The following SHISA9 variants were observed in gnomAD, a reference collection of about 807,000 sequenced individuals.
SHISA9 encodes the protein shisa family member 9.
In SHISA9, 13 loss-of-function variants were observed where a neutral mutation model predicts 38.0. That is an observed-to-expected ratio of 0.34 (90% confidence interval 0.22 to 0.54). The LOEUF (loss-of-function observed/expected upper bound fraction) is 0.54, where lower values mean the gene tolerates loss of function less well. Ranked by LOEUF, SHISA9 falls within the 20% of genes least tolerant of loss-of-function variation. The pLI is 0.91. For missense variants in SHISA9, 538 were observed against 575.8 expected (o/e 0.93, Z 0.67); for synonymous variants, 275 against 242.0 (o/e 1.14, Z -1.27).
At chr16:13,273,950 C>T in the SHISA9 span, among the ~76,000 whole-genome samples, 1 of 152,080 alleles carries the variant, frequency 6.6e-6, no homozygotes, top group African/African-American at 2.4e-5. Context: ...ACTGAAAATA[C>T]CACTGTTGAA....
At chr16:13,481,213 G>A in the SHISA9 span, among the ~76,000 whole-genome samples, 1 of 152,160 alleles carries the variant, frequency 6.6e-6, no homozygotes, top group African/African-American at 2.4e-5. Flanking sequence ...TGGCCAGGCA[G>A]TATTCTCTGT....
chr16:13,449,931 A>G, the SHISA9 span, among the ~76,000 whole-genome samples: 27 of 152,266 alleles, frequency 1.8e-4, no homozygotes, highest in Admixed American at 5.9e-4. Context: ...CCTGGCTAAC[A>G]TGGTGAAACC....
the SHISA9 span, among the ~76,000 whole-genome samples, chr16:13,326,782 T>G: frequency 1.3e-3 from 193 of 152,286 alleles, no homozygotes; most frequent in African/African-American, 4.0e-3. Context: ...TGTTATTATA[T>G]CATGTGCCTG....
At chr16:13,460,707 C>G in the SHISA9 span, among the ~76,000 whole-genome samples, 6 of 152,212 alleles carry the variant, frequency 3.9e-5, no homozygotes, top group Non-Finnish European at 8.8e-5. Context: ...GGGTCTAACT[C>G]TAAAGCAGCC....
chr16:13,545,531 C>G, the SHISA9 span, among the ~76,000 whole-genome samples: 9 of 152,172 alleles, frequency 5.9e-5, no homozygotes, highest in Non-Finnish European at 1.5e-5. Flanking sequence ...CCCCTCCACC[C>G]CTGAGCATGG....
the SHISA9 span, among the ~76,000 whole-genome samples, chr16:13,545,087 T>C: frequency 6.6e-5 from 10 of 152,342 alleles, no homozygotes; most frequent in Admixed American, 2.6e-4. Flanking sequence ...TCTTATGCCA[T>C]GTGCCTTGCA....
At chr16:13,492,174 T>C in the SHISA9 span, among the ~76,000 whole-genome samples, 1 of 152,052 alleles carries the variant, frequency 6.6e-6, no homozygotes, top group Admixed American at 6.6e-5. Flanking sequence ...CCTAGTCAAT[T>C]TCCTCACAAG....
intron 2 of SHISA9, among the ~76,000 whole-genome samples, chr16:13,097,335 A>G (rs1444381601): frequency 6.6e-6 from 1 of 152,102 alleles, no homozygotes; most frequent in Non-Finnish European, 1.5e-5. Context: ...CTCTCAGGTC[A>G]TCTACCCAAG....
At chr16:13,228,064 A>G (rs1267423337) in intron 4 of SHISA9, among the ~76,000 whole-genome samples, 1 of 152,248 alleles carries the variant, frequency 6.6e-6, no homozygotes, top group Non-Finnish European at 1.5e-5. Flanking sequence ...TTCATTGCTC[A>G]CATTAAATCC....
the SHISA9 span, among the ~76,000 whole-genome samples, chr16:13,463,059 G>A: frequency 6.6e-6 from 1 of 152,276 alleles, no homozygotes; most frequent in East Asian, 1.9e-4. Context: ...GGGAGGCTGA[G>A]GTGGGAGGAT....
the SHISA9 span, among the ~76,000 whole-genome samples, chr16:13,299,664 G>C: frequency 3.4e-5 from 5 of 149,228 alleles, no homozygotes; most frequent in African/African-American, 1.2e-4. Flanking sequence ...AGTGAGCAGA[G>C]ATTGCACCCC....
At chr16:12,908,176 CT>C (rs1426597886) in intron 1 of SHISA9, among the ~76,000 whole-genome samples, 1 of 151,926 alleles carries the variant, frequency 6.6e-6, no homozygotes, top group Non-Finnish European at 1.5e-5. Flanking sequence ...CATTTTTTAC[CT>C]CTTGTCTACT....
At chr16:13,433,534 G>GAGTA in the SHISA9 span, among the ~76,000 whole-genome samples, 4 of 151,678 alleles carry the variant, frequency 2.6e-5, no homozygotes, top group South Asian at 2.1e-4. Flanking sequence ...AGGTCAGAGA[G>GAGTA]ATTAATGTGT....
At chr16:13,406,204 C>G in the SHISA9 span, among the ~76,000 whole-genome samples, 10 of 152,134 alleles carry the variant, frequency 6.6e-5, no homozygotes, top group Non-Finnish European at 1.3e-4. Context: ...TAAGAAGAGG[C>G]AGAGAGTAGG....
rs546644322 is a variant in SHISA9, at chr16:12,950,717, T to G, written c.691+33902T>G. On this transcript the variant is annotated intron_variant, in intron 2 of 4. Transcript: ENST00000558583. Reference sequence around the variant, plus strand: ...TCCACCTCCCGGGTTCAAGCTATTCTCCTGCCTCAGCCTCCTGAGTAGCTG... The same window carrying G: ...TCCACCTCCCGGGTTCAAGCTATTCGCCTGCCTCAGCCTCCTGAGTAGCTG... 5.7e-3 allele frequency among the ~76,000 whole-genome samples: 870 copies of G among 151,670 alleles called. 6 individuals are homozygous for G. Among genetic ancestry groups the G allele is most frequent in the Middle Eastern group, 0.031 (9 of 292 alleles).
intron 4 of SHISA9, among the ~76,000 whole-genome samples, 164 bp downstream of exon 4, chr16:13,213,464 GTGTT>G (rs1297729638): frequency 6.6e-6 from 1 of 152,156 alleles, no homozygotes; most frequent in Non-Finnish European, 1.5e-5. Flanking sequence ...AGGTGTTTGT[GTGTT>G]TGTGTGTGTG....
At chr16:13,085,571 C>T (rs888015602) in intron 2 of SHISA9, among the ~76,000 whole-genome samples, 9 of 152,156 alleles carry the variant, frequency 5.9e-5, no homozygotes, top group Admixed American at 1.3e-4. Flanking sequence ...GGAAGGTTGT[C>T]GCCTGCCCAG....
At chr16:13,143,185 T>TTTTTG (rs2050417559) in intron 2 of SHISA9, among the ~76,000 whole-genome samples, 1 of 151,888 alleles carries the variant, frequency 6.6e-6, no homozygotes, top group Non-Finnish European at 1.5e-5. Flanking sequence ...ATTTTTTGTA[T>TTTTTG]TTTTGGTACA....
intron 2 of SHISA9, among the ~76,000 whole-genome samples, chr16:13,154,261 C>T (rs572693881): frequency 3.9e-4 from 60 of 152,258 alleles, no homozygotes; most frequent in South Asian, 2.7e-3. Flanking sequence ...ATTAGCATTG[C>T]CCACCAAATA....
Sources: allele counts gnomAD v4.1 joint callset (sites outside exome capture counted in the v4.1 genomes callset), GRCh38; gene constraint gnomAD v4.1.1; transcripts MANE v1.5; gene names NCBI Gene and HGNC (gene_info 2026-07-23, HGNC 2026-07-21).